Variants in TMEM132B observed in about 807,000 individuals in gnomAD.
TMEM132B encodes transmembrane protein 132B.
A neutral mutation model predicts 90.8 loss-of-function variants in TMEM132B; 18 were observed. The ratio of observed to expected loss-of-function variants is 0.20; its 90% CI spans 0.14 to 0.29. The LOEUF (loss-of-function observed/expected upper bound fraction) is 0.29. TMEM132B is among the 10% of genes least tolerant of loss of function. The pLI is 1.00. For synonymous variants in TMEM132B, 504 were observed against 523.3 expected (o/e 0.96, Z 0.50); for missense variants, 1,096 against 1,326.8 (o/e 0.83, Z 2.70).
At chr12:125,244,889 T>C (rs1365990758) in intron 1 of TMEM132B, among the ~76,000 whole-genome samples, 1 of 152,198 alleles carries the variant, frequency 6.6e-6, no homozygotes, top group African/African-American at 2.4e-5. Context: ...CAGGGGCCTT[T>C]AGGTCACCCC....
chr12:125,642,223 A>G (rs964805174), intron 5 of TMEM132B, among the ~76,000 whole-genome samples: 4 of 152,204 alleles, frequency 2.6e-5, no homozygotes, highest in African/African-American at 4.8e-5. Context: ...GTCAGCATCT[A>G]TTAAAAATAA....
At position 125,297,179 on chromosome 12, in the gene TMEM132B, C is replaced by T. The variant is rs138433505; in HGVS notation, c.68-52273C>T. Among the ~76,000 whole-genome samples the T allele has an allele frequency of 5.5e-3, 838 of 152,330 alleles. 4 individuals are homozygous for T. Among genetic ancestry groups the T allele is most frequent in the Non-Finnish European group, 9.8e-3 (665 of 68,030 alleles). On this transcript the variant is annotated intron_variant, in intron 1 of 8. Coordinates refer to ENST00000682704, the MANE Select transcript of TMEM132B (RefSeq NM_001366854.1). ...CCTGGGTCAGCATTGGATGGCTTTT[C>T]CTACCCAGTGAGACAACAGGGTGGA... is the stretch of plus-strand genomic sequence containing the variant.
intron 1 of TMEM132B, among the ~76,000 whole-genome samples, chr12:125,296,548 T>A (rs1875677305): frequency 6.6e-6 from 1 of 152,204 alleles, no homozygotes. Flanking sequence ...TTGTATCACC[T>A]TCTGACAAAC....
intron 3 of TMEM132B, among the ~76,000 whole-genome samples, chr12:125,494,932 C>G (rs1359370563): frequency 7.4e-6 from 1 of 134,718 alleles, no homozygotes; most frequent in Admixed American, 7.4e-5. Context: ...GGGTGCGTCC[C>G]TCTTCCCCCT....
rs190129721 is a variant in TMEM132B at position 125,523,279 on chromosome 12, G to A, written c.1293+3654G>A. Among the ~76,000 whole-genome samples, 4 of 152,170 alleles carry A rather than the reference G, an allele frequency of 2.6e-5. No homozygotes were observed. The East Asian group carries it at 7.7e-4, about 29-fold the overall frequency. ...TGGGCTAAAGCAAAGTTGTCAGGAG[G>A]GCTGGTTCCTTCTGGAAGCTCTAGG... On this transcript the variant is annotated intron_variant, in intron 4 of 8. Coordinates refer to ENST00000682704, the MANE Select transcript of TMEM132B (RefSeq NM_001366854.1).
intron 1 of TMEM132B, among the ~76,000 whole-genome samples, chr12:125,284,463 G>T (rs1171938755): frequency 6.6e-6 from 1 of 152,184 alleles, no homozygotes; most frequent in African/African-American, 2.4e-5. Flanking sequence ...GCAGGGGTTA[G>T]ACCGCAAAGA....
intron 3 of TMEM132B, among the ~76,000 whole-genome samples, chr12:125,448,189 A>G (rs1881055865): frequency 6.6e-6 from 1 of 152,062 alleles, no homozygotes; most frequent in Non-Finnish European, 1.5e-5. Flanking sequence ...GCTTGAACCC[A>G]GGAGGTGAAG....
At chr12:125,435,808 G>A (rs1024765561) in intron 3 of TMEM132B, among the ~76,000 whole-genome samples, 1 of 152,110 alleles carries the variant, frequency 6.6e-6, no homozygotes. Context: ...CCTGAGAGAT[G>A]GGAGGGAAGG....
At chr12:125,284,886 G>T (rs934718675) in intron 1 of TMEM132B, among the ~76,000 whole-genome samples, 1 of 152,310 alleles carries the variant, frequency 6.6e-6, no homozygotes, top group African/African-American at 2.4e-5. Flanking sequence ...TATTTTCAGA[G>T]ATAAGAAGGC....
chr12:125,209,400 A>G lies in TMEM132B; in HGVS notation c.67+22534A>G, dbSNP rs1418269297. ...CAGCAGACGCTAGCAGTGGCAGCAG[A>G]GTGGCTGGTCACTGGGACAGTGCTC... On this transcript the variant is annotated intron_variant, in intron 1 of 8. Transcript: ENST00000682704. The surrounding 1 kb of genome is among the most constrained non-coding windows in gnomAD (Gnocchi z 4.4). Among the ~76,000 whole-genome samples the G allele has an allele frequency of 2.0e-5, 3 of 152,172 alleles. No homozygotes were observed. Among genetic ancestry groups the G allele is most frequent in the Admixed American group, 1.3e-4 (2 of 15,286 alleles).
intron 4 of TMEM132B, among the ~76,000 whole-genome samples, chr12:125,566,750 C>A (rs1309341584): frequency 1.3e-5 from 2 of 151,422 alleles, no homozygotes; most frequent in African/African-American, 2.4e-5. Context: ...ATGGAAATCT[C>A]TGTGGCATGC....
chr12:125,643,314 T>A (rs1346443592), intron 5 of TMEM132B, among the ~76,000 whole-genome samples: 1 of 152,214 alleles, frequency 6.6e-6, no homozygotes, highest in East Asian at 1.9e-4. Flanking sequence ...CGATTTGTGA[T>A]CCCTCTTTCT....
chr12:125,297,731 T>C (rs1390724944), intron 1 of TMEM132B, among the ~76,000 whole-genome samples: 1 of 152,118 alleles, frequency 6.6e-6, no homozygotes, highest in African/African-American at 2.4e-5. Context: ...CACCTGTGAT[T>C]TGGAGGAACA....
chr12:125,444,948 G>A (rs1880965291), intron 3 of TMEM132B, among the ~76,000 whole-genome samples: 1 of 152,060 alleles, frequency 6.6e-6, no homozygotes, highest in Non-Finnish European at 1.5e-5. Context: ...ACCACGGAAG[G>A]CAATTCTTTG....
intron 2 of TMEM132B, among the ~76,000 whole-genome samples, chr12:125,401,008 C>T (rs963549807): frequency 1.3e-5 from 2 of 152,124 alleles, no homozygotes; most frequent in Non-Finnish European, 2.9e-5. Context: ...GAGGTTTGGT[C>T]CCAATCTCTG....
At chr12:125,188,603 C>G (rs1167585101) in intron 1 of TMEM132B, among the ~76,000 whole-genome samples, 1 of 127,880 alleles carries the variant, frequency 7.8e-6, no homozygotes, top group Non-Finnish European at 1.6e-5. Context: ...CTCTGGAAGG[C>G]CCCATGTTGG....
chr12:125,509,463 C>T (rs1014256132), intron 3 of TMEM132B, among the ~76,000 whole-genome samples: 4 of 152,156 alleles, frequency 2.6e-5, no homozygotes, highest in Admixed American at 1.3e-4. Context: ...CCTCTCTTTT[C>T]CCTTTGGACT....
At chr12:125,560,265 G>A (rs763324696) in intron 4 of TMEM132B, among the ~76,000 whole-genome samples, 1 of 152,208 alleles carries the variant, frequency 6.6e-6, no homozygotes, top group Non-Finnish European at 1.5e-5. Flanking sequence ...ACTCCAGAAT[G>A]AAGTGGTCCT....
In TMEM132B at chr12:125,460,462, A is replaced by C. The variant is rs574265570; in HGVS notation, c.1106+44785A>C. On this transcript the variant is annotated intron_variant, in intron 3 of 8. Coordinates refer to ENST00000682704, the MANE Select transcript of TMEM132B (RefSeq NM_001366854.1). This position sits in a 1 kb window ranked among gnomAD's most constrained non-coding sequence, Gnocchi z 4.4. The stretch of plus-strand genomic sequence containing the variant: ...AGCCGAGATCATGCCATTGCACTCC[A>C]GCCTGGGTGACAGAGCAAGACTCCA... Among the ~76,000 whole-genome samples the C allele has an allele frequency of 6.6e-6, 1 of 152,328 alleles. No homozygotes were observed. Among genetic ancestry groups the C allele is most frequent in the Admixed American group, 6.5e-5 (1 of 15,312 alleles).
Sources: gnomAD v4.1 joint callset for allele counts (sites outside exome capture counted in the v4.1 genomes callset) on GRCh38, gnomAD v4.1.1 for gene constraint, Gnocchi (gnomAD v3.1) non-coding constraint, MANE v1.5 for transcripts, NCBI Gene and HGNC (gene_info 2026-07-23, HGNC 2026-07-21) for gene names.